TPRX2: variants seen among roughly 807,000 people sequenced by gnomAD.
TPRX2 encodes tetrapeptide repeat homeobox protein 2.
the TPRX2 span, chr19:47,860,655 G>A: frequency 1.7e-6 from 1 of 594,220 alleles, no homozygotes; most frequent in Non-Finnish European, 2.6e-6. Flanking sequence ...CCTTCTCCAG[G>A]CCTGGGAGCC....
the TPRX2 span, among the ~76,000 whole-genome samples, chr19:47,861,709 C>T: frequency 6.6e-6 from 1 of 152,194 alleles, no homozygotes; most frequent in Non-Finnish European, 1.5e-5. Context: ...TGAGCCTGAG[C>T]GTTTCTCTGC....
chr19:47,860,976 T>G, the TPRX2 span: 3 of 1,323,620 alleles, frequency 2.3e-6, no homozygotes, highest in Admixed American at 3.9e-5. Context: ...TTCCTGGATC[T>G]CCCCTCAGCC....
chr19:47,860,931 T>A, the TPRX2 span: 2 of 1,513,782 alleles, frequency 1.3e-6, no homozygotes. Context: ...CGCTGCCTCC[T>A]TCCCTGGGGG....
At chr19:47,860,642 C>T in the TPRX2 span, among the ~76,000 whole-genome samples, 1 of 151,538 alleles carries the variant, frequency 6.6e-6, no homozygotes, top group Non-Finnish European at 1.5e-5. Context: ...TCCCTCTTCC[C>T]TCCCTTCTCC....
chr19:47,860,524 G>A, the TPRX2 span, among the ~76,000 whole-genome samples: 2 of 151,360 alleles, frequency 1.3e-5, no homozygotes, highest in Admixed American at 1.3e-4. Context: ...TCAGGCACCC[G>A]TGAGAACCCG....
At chr19:47,860,415 G>T in the TPRX2 span, 8 of 692,066 alleles carry the variant, frequency 1.2e-5, no homozygotes, top group Non-Finnish European at 2.0e-5. Context: ...GTGTAGACCC[G>T]GGCTGCATCC....
the TPRX2 span, chr19:47,860,959 G>C: frequency 7.0e-7 from 1 of 1,430,700 alleles, no homozygotes; most frequent in South Asian, 1.2e-5. Context: ...TTCCCGCAGG[G>C]CAGGGGTTCC....
the TPRX2 span, chr19:47,861,046 G>A: frequency 1.2e-6 from 1 of 830,442 alleles, no homozygotes; most frequent in Non-Finnish European, 2.0e-6. Flanking sequence ...CCCCGGACCT[G>A]GGGTGGCCCT....
chr19:47,859,357 T>G, the TPRX2 span, among the ~76,000 whole-genome samples: 2 of 150,306 alleles, frequency 1.3e-5, no homozygotes. Flanking sequence ...AGAGAAGGGC[T>G]GGGCCTGTGC....
the TPRX2 span, chr19:47,861,467 C>A: frequency 9.7e-7 from 1 of 1,031,784 alleles, no homozygotes. Flanking sequence ...AGGATGGCTT[C>A]GTGGACAAAA....
chr19:47,860,833 C>T, the TPRX2 span: 1 of 1,535,340 alleles, frequency 6.5e-7, no homozygotes, highest in Non-Finnish European at 8.7e-7. Flanking sequence ...GCCAAACTAG[C>T]TCGGGAGCGG....
chr19:47,860,105 A>AC, the TPRX2 span: 3 of 1,187,648 alleles, frequency 2.5e-6, no homozygotes, highest in South Asian at 4.3e-5. Flanking sequence ...TTTCCCTCCC[A>AC]CCCCCAGGCC....
the TPRX2 span, among the ~76,000 whole-genome samples, chr19:47,859,430 G>A: frequency 6.6e-6 from 1 of 151,254 alleles, no homozygotes; most frequent in East Asian, 1.9e-4. Context: ...GAAAAATCAT[G>A]CAGCTGGGCG....
the TPRX2 span, chr19:47,860,755 C>T: frequency 1.1e-5 from 17 of 1,509,660 alleles, no homozygotes; most frequent in Non-Finnish European, 1.4e-5. Flanking sequence ...ACCCGGGCCG[C>T]GCGAGTCCCT....
the TPRX2 span, among the ~76,000 whole-genome samples, chr19:47,859,286 A>G: frequency 6.7e-6 from 1 of 150,180 alleles, no homozygotes; most frequent in South Asian, 2.1e-4. Context: ...GCAGGGACAG[A>G]GGTGTGAGGG....
chr19:47,860,040 C>T, the TPRX2 span: 5 of 1,412,402 alleles, frequency 3.5e-6, no homozygotes, highest in East Asian at 2.5e-5. Flanking sequence ...TGGCCTGGCG[C>T]AGGGGACGGG....
At chr19:47,859,368 G>A in the TPRX2 span, among the ~76,000 whole-genome samples, 1 of 150,374 alleles carries the variant, frequency 6.7e-6, no homozygotes, top group Non-Finnish European at 1.5e-5. Flanking sequence ...GGGCCTGTGC[G>A]GGCGGCTTCC....
At chr19:47,859,694 CAG>C in the TPRX2 span, among the ~76,000 whole-genome samples, 4 of 148,692 alleles carry the variant, frequency 2.7e-5, no homozygotes, top group Non-Finnish European at 6.0e-5. Context: ...GCCTGGGTGA[CAG>C]AGCGAGATCC....
the TPRX2 span, chr19:47,861,448 A>G: frequency 2.4e-6 from 2 of 816,502 alleles, no homozygotes; most frequent in Non-Finnish European, 3.7e-6. Context: ...ACGTCTCAGT[A>G]CAAAGAGGAG....
Sources: gnomAD v4.1 joint callset for allele counts (sites outside exome capture counted in the v4.1 genomes callset) on GRCh38, gnomAD v4.1.1 for gene constraint, MANE v1.5 for transcripts, NCBI Gene and HGNC (gene_info 2026-07-23, HGNC 2026-07-21) for gene names.